The following AR variants were observed in gnomAD, a reference collection of about 807,000 sequenced individuals.
AR encodes dihydrotestosterone receptor.
A neutral mutation model predicts 53.9 loss-of-function variants in AR; 8 were observed. The observed-to-expected ratio is 0.15, with a 90% confidence interval of 0.09 to 0.27. The LOEUF (loss-of-function observed/expected upper bound fraction) is 0.27. Among genes scored for constraint, AR ranks in the 10% least tolerant of loss-of-function variants. The pLI is 1.00. For synonymous variants in AR, 359 were observed against 316.4 expected (o/e 1.13, Z -1.43); for missense variants, 639 against 742.5 (o/e 0.86, Z 1.62).
chrX:67,686,156 C>G, intron 3 of AR, 30 bp downstream of exon 3: 1 of 1,162,902 alleles, frequency 8.6e-7, no homozygotes, highest in Non-Finnish European at 1.2e-6. Flanking sequence ...CTTCCTCCTC[C>G]TTCCTCTCTC....
chrX:67,724,089 C>T lies in AR; in HGVS notation c.*248C>T. The stretch of plus-strand genomic sequence containing the variant: ...CTTCAGACTTTGCTTCCCATTGTGG[C>T]TCCTATCTGTGTTTTGAATGGTGTT... On this transcript the variant is annotated 3_prime_UTR_variant, in exon 8 of 8. Transcript: ENST00000374690. 2 of 408,336 alleles carry T rather than the reference C, an allele frequency of 4.9e-6. No homozygotes were observed. Among genetic ancestry groups the T allele is most frequent in the Non-Finnish European group, 8.5e-6 (2 of 234,574 alleles). 33.7% of individuals were successfully genotyped at this position (408,336 alleles called of 1,213,427 possible).
intron 1 of AR, among the ~76,000 whole-genome samples, chrX:67,596,589 A>G (rs963892726): frequency 8.9e-6 from 1 of 111,955 alleles, no homozygotes; most frequent in Non-Finnish European, 1.9e-5. Flanking sequence ...TGCCTTCCTC[A>G]GTGTGTTCAG....
chrX:67,705,143 C>T (rs2076060548), intron 3 of AR, among the ~76,000 whole-genome samples: 1 of 111,059 alleles, frequency 9.0e-6, no homozygotes, highest in Non-Finnish European at 1.9e-5. Flanking sequence ...TTTTTTGGTT[C>T]CATATGAACT....
At chrX:67,672,278 CT>C (rs1397926973) in intron 2 of AR, among the ~76,000 whole-genome samples, 1 of 111,110 alleles carries the variant, frequency 9.0e-6, no homozygotes, top group Non-Finnish European at 1.9e-5. Flanking sequence ...ATCCAGGTGT[CT>C]TGTTTTTCAT....
chrX:67,707,698 G>C (rs1212539293), intron 3 of AR, among the ~76,000 whole-genome samples: 1 of 111,688 alleles, frequency 9.0e-6, no homozygotes, highest in African/African-American at 3.3e-5. Context: ...ATGTTAGCTG[G>C]TTCTTTTGCT....
At position 67,711,391 on chromosome X, in the gene AR, C is replaced by A. The variant is rs763413160; in HGVS notation, c.1886-11C>A. 4.2e-6 allele frequency: 5 copies of A among 1,180,724 alleles called. No homozygotes were observed. Among genetic ancestry groups the A allele is most frequent in the East Asian group, 6.2e-5 (2 of 32,218 alleles). On this transcript the variant is annotated splice_polypyrimidine_tract_variant and intron_variant, in intron 3 of 7. Coordinates refer to ENST00000374690, the MANE Select transcript of AR (RefSeq NM_000044.6). ...TGATGATAAATTCAAGTCTCTCTTC[C>A]TTCCCAATAGCCCGGAAGCTGAAGA...
chrX:67,595,516 CTTTG>C (rs1269066347), intron 1 of AR, among the ~76,000 whole-genome samples: 16 of 110,166 alleles, frequency 1.5e-4, no homozygotes, highest in African/African-American at 4.3e-4. Flanking sequence ...ATATTTTTCT[CTTTG>C]TTTATTATTT....
intron 1 of AR, among the ~76,000 whole-genome samples, chrX:67,627,235 A>C (rs1295543805): frequency 9.0e-6 from 1 of 111,443 alleles, no homozygotes; most frequent in African/African-American, 3.3e-5. Context: ...GAACTAGTTT[A>C]CAGTCCCACC....
intron 1 of AR, among the ~76,000 whole-genome samples, chrX:67,628,679 T>A (rs1363797724): frequency 9.0e-6 from 1 of 110,963 alleles, no homozygotes; most frequent in African/African-American, 3.3e-5. Flanking sequence ...CTATGTTGAA[T>A]AGGAGTGGTG....
rs1327744655 is a variant in AR, at chrX:67,545,645, C to G, written c.499C>G (p.Leu167Val). 5.0e-6 allele frequency: 6 copies of G among 1,195,469 alleles called. No individual in the cohort carries two copies. Among genetic ancestry groups the G allele is most frequent in the Non-Finnish European group, 6.8e-6 (6 of 886,998 alleles). Residue 167 changes from leucine (L) to valine (V), a missense_variant, in exon 1 of 8, where the codon CTG becomes GTG. Transcript: ENST00000374690. ...DSAAPSTLSL[L>V]GPTFPGLSSC... ...AGCTGCCCCATCCACGTTGTCCCTG[C>G]TGGGCCCCACTTTCCCCGGCTTAAG...
At chrX:67,640,825 TC>T (rs1925720545) in intron 1 of AR, among the ~76,000 whole-genome samples, 1 of 111,711 alleles carries the variant, frequency 9.0e-6, no homozygotes, top group Non-Finnish European at 1.9e-5. Flanking sequence ...CATTATCATC[TC>T]CTTTACCCAT....
At chrX:67,660,959 T>G (rs995640965) in intron 2 of AR, among the ~76,000 whole-genome samples, 1 of 111,617 alleles carries the variant, frequency 9.0e-6, no homozygotes, top group Non-Finnish European at 1.9e-5. Context: ...CCTAGGTATT[T>G]TATTCTCTTA....
chrX:67,729,810 G>T lies in AR; in HGVS notation c.*5969G>T. The T allele has an allele frequency of 5.8e-6, 1 of 173,428 alleles. No homozygotes were observed. Among genetic ancestry groups the T allele is most frequent in the Non-Finnish European group, 1.1e-5 (1 of 90,505 alleles). The allele number at this position is 173,428 out of a possible 1,213,427, so 14.3% of individuals were successfully genotyped here. On this transcript the variant is annotated 3_prime_UTR_variant, in exon 8 of 8. Coordinates refer to ENST00000374690, the MANE Select transcript of AR (RefSeq NM_000044.6). ...TCTGGTGGTTCCCTCTCTGGCTGCT[G>T]CCTCACAGTATGGGAACCTGTACTC...
chrX:67,626,076 T>C (rs1924618447), intron 1 of AR, among the ~76,000 whole-genome samples: 1 of 111,545 alleles, frequency 9.0e-6, no homozygotes, highest in South Asian at 3.8e-4. Flanking sequence ...TTACAAACAA[T>C]CCAATTATAC....
chrX:67,561,276 TAGTA>T (rs1186011969), intron 1 of AR, among the ~76,000 whole-genome samples: 5 of 111,982 alleles, frequency 4.5e-5, no homozygotes, highest in African/African-American at 1.6e-4. Flanking sequence ...GAGTCAATAG[TAGTA>T]AGTAACTGCC....
At chrX:67,689,584 G>C (rs1400473968) in intron 3 of AR, 1 of 964,495 alleles carries the variant, frequency 1.0e-6, no homozygotes. Flanking sequence ...AAAGAATCTT[G>C]AGGGTGTTTG....
At chrX:67,565,384 G>A (rs1165344024) in intron 1 of AR, among the ~76,000 whole-genome samples, 1 of 111,498 alleles carries the variant, frequency 9.0e-6, no homozygotes, top group Non-Finnish European at 1.9e-5. Flanking sequence ...TTTGTTTATC[G>A]ATGGTTTTCA....
Position 67,664,820 on chromosome X carries a change from C to T in AR, c.1769-21190C>T, listed in dbSNP as rs772946157. Among the ~76,000 whole-genome samples, 118 of 112,514 alleles carry T rather than the reference C, an allele frequency of 1.0e-3. 1 individual carries two copies. Among genetic ancestry groups the T allele is most frequent in the African/African-American group, 3.8e-3 (117 of 31,052 alleles). ...CTACTCAAGCTTCAGCAATGGCGGGCACCCCTCCCCCAGCCTCGCTGCTGC... is the reference window on the plus strand; with the variant it reads ...CTACTCAAGCTTCAGCAATGGCGGGTACCCCTCCCCCAGCCTCGCTGCTGC... On this transcript the variant is annotated intron_variant, in intron 2 of 7. Coordinates refer to ENST00000374690, the MANE Select transcript of AR (RefSeq NM_000044.6).
intron 1 of AR, chrX:67,569,014 G>C (rs747594866): frequency 1.8e-5 from 22 of 1,208,428 alleles, no homozygotes; most frequent in Non-Finnish European, 2.3e-5. Context: ...TGATACTCTG[G>C]CTTCACAGGT....
Sources: allele counts gnomAD v4.1 joint callset (sites outside exome capture counted in the v4.1 genomes callset), GRCh38; gene constraint gnomAD v4.1.1; transcripts MANE v1.5; gene names NCBI Gene and HGNC (gene_info 2026-07-23, HGNC 2026-07-21).